Variants in JCAD observed in about 807,000 individuals in gnomAD.
The protein encoded by JCAD is junctional cadherin 5-associated protein.
JCAD carries 40 observed loss-of-function variants against 98.0 expected under a neutral mutation model. The observed-to-expected ratio is 0.41, with a 90% confidence interval of 0.32 to 0.53. The LOEUF (loss-of-function observed/expected upper bound fraction) is 0.53. JCAD is among the 20% of genes least tolerant of loss of function. The probability of loss-of-function intolerance (pLI) is 0.31; values close to 1 mark genes in which losing one functional copy is unlikely to be tolerated. For synonymous variants in JCAD, 691 were observed against 682.3 expected, an observed-to-expected ratio of 1.01 and a Z score of -0.20; for missense variants, 1,705 against 1,738.1, an observed-to-expected ratio of 0.98 and a Z score of 0.34.
At chr10:30,052,310 C>T (rs577535449) in intron 1 of JCAD, among the ~76,000 whole-genome samples, 1 of 152,236 alleles carries the variant, frequency 6.6e-6, no homozygotes, top group East Asian at 1.9e-4. Context: ...TCAGTCTTCT[C>T]CTGAAGGAGT....
intron 1 of JCAD, among the ~76,000 whole-genome samples, chr10:30,049,674 A>G (rs76762911): frequency 0.016 from 2,422 of 152,266 alleles, 73 homozygotes; most frequent in East Asian, 0.086. Flanking sequence ...GCTTCAACAG[A>G]CAAAGAAGGA....
At chr10:30,073,010 A>T (rs574236019) in intron 1 of JCAD, among the ~76,000 whole-genome samples, 248 of 152,330 alleles carry the variant, frequency 1.6e-3, no homozygotes, top group African/African-American at 5.9e-3. Context: ...CATTCACTTT[A>T]CAGGGACAGG....
At chr10:30,105,820 CATTA>C (rs1261415285) in intron 1 of JCAD, among the ~76,000 whole-genome samples, 2 of 152,186 alleles carry the variant, frequency 1.3e-5, no homozygotes, top group Non-Finnish European at 2.9e-5. Context: ...TTAGCATTGA[CATTA>C]ATTGACACGA....
At chr10:30,096,269 A>T (rs1431833451) in intron 1 of JCAD, among the ~76,000 whole-genome samples, 1 of 152,152 alleles carries the variant, frequency 6.6e-6, no homozygotes, top group Non-Finnish European at 1.5e-5. Context: ...GGCCCCACCA[A>T]ATCAGCCTGG....
chr10:30,042,900 G>A (rs1342150), intron 2 of JCAD, among the ~76,000 whole-genome samples: 50,251 of 152,092 alleles, frequency 0.33, 9,782 homozygotes, highest in Non-Finnish European at 0.42. Context: ...TGAGCCAGGG[G>A]TCCCACAGTC....
At chr10:30,073,045 C>T (rs562959399) in intron 1 of JCAD, among the ~76,000 whole-genome samples, 4 of 152,210 alleles carry the variant, frequency 2.6e-5, no homozygotes, top group African/African-American at 9.6e-5. Context: ...CCTGGTCACT[C>T]GCCCTGTAGA....
intron 2 of JCAD, among the ~76,000 whole-genome samples, chr10:30,034,148 GGGA>G (rs1290527791): frequency 1.3e-5 from 2 of 151,914 alleles, no homozygotes; most frequent in South Asian, 4.2e-4. Context: ...GCTTGAACCC[GGGA>G]GGAGGAGGTT....
intron 1 of JCAD, among the ~76,000 whole-genome samples, chr10:30,108,717 A>G (rs952828186): frequency 6.6e-6 from 1 of 152,122 alleles, no homozygotes; most frequent in Non-Finnish European, 1.5e-5. Flanking sequence ...CAGCCACTAC[A>G]TGCTTCTTCT....
chr10:30,017,962 G>C (rs990057916), intron 3 of JCAD, 45 bp from the exon 4 acceptor site: 4 of 1,469,028 alleles, frequency 2.7e-6, no homozygotes, highest in Non-Finnish European at 3.8e-6. Flanking sequence ...ATATTCAACT[G>C]CTCTATTTTC....
Position 30,026,228 on chromosome 10 carries a change from C to T in JCAD, c.3920G>A (p.Ser1307Asn), listed in dbSNP as rs183791720. The change falls in exon 3 of 4, where the codon AGT becomes AAT. Residue 1307 changes from serine (S) to asparagine (N), a missense_variant. By Grantham distance (46) the Ser-to-Asn change is conservative. This residue lies in a region of JCAD where 1,278 missense variants were observed against 1,243.1 expected (regional missense o/e 1.03). Transcript: ENST00000375377. ...GCCCAATCTCTGGGCACGGTCCCCACTGCCAGGAGACACAAGGCCTCCCGG... is the reference window on the plus strand; with the variant it reads ...GCCCAATCTCTGGGCACGGTCCCCATTGCCAGGAGACACAAGGCCTCCCGG... ...GLPGGLVSPG[S>N]GDRAQRLGHS... The T allele has an allele frequency of 6.2e-7, 1 of 1,614,074 alleles. No individual in the cohort carries two copies. Among genetic ancestry groups the T allele is most frequent in the Admixed American group, 1.7e-5 (1 of 60,030 alleles).
intron 2 of JCAD, among the ~76,000 whole-genome samples, chr10:30,036,682 G>A (rs536551203): frequency 1.3e-5 from 2 of 152,312 alleles, no homozygotes; most frequent in African/African-American, 4.8e-5. Context: ...TGGGGGTTCT[G>A]TGGGAAGTGA....
intron 1 of JCAD, among the ~76,000 whole-genome samples, chr10:30,100,760 AT>A (rs1838458786): frequency 6.6e-6 from 1 of 152,220 alleles, no homozygotes; most frequent in South Asian, 2.1e-4. Context: ...TAGGACTAAT[AT>A]GAGTGACCAA....
chr10:30,071,061 C>T (rs534519019), intron 1 of JCAD, among the ~76,000 whole-genome samples: 3 of 152,196 alleles, frequency 2.0e-5, no homozygotes, highest in Non-Finnish European at 2.9e-5. Context: ...TGCGCCACCA[C>T]GTCTGGCTAA....
Position 30,028,884 on chromosome 10 carries a change from G to C in JCAD, c.1264C>G (p.Gln422Glu). Residue 422 changes from glutamine (Q) to glutamate (E), a missense_variant, in exon 3 of 4, where the codon CAG (glutamine) becomes GAG (glutamate). This residue lies in a region of JCAD where 1,278 missense variants were observed against 1,243.1 expected (regional missense o/e 1.03). Transcript: ENST00000375377. ...RPVTAYDGFV[Q>E]YIPFDDPRLR... ...CGTGGATCATCAAAGGGAATGTACTGAACGAAGCCGTCATAGGCAGTGACA... is the reference window on the plus strand; with the variant it reads ...CGTGGATCATCAAAGGGAATGTACTCAACGAAGCCGTCATAGGCAGTGACA... The C allele has an allele frequency of 1.9e-6, 3 of 1,614,196 alleles. No homozygotes were observed. Among genetic ancestry groups the C allele is most frequent in the South Asian group, 1.1e-5 (1 of 91,084 alleles).
intron 1 of JCAD, among the ~76,000 whole-genome samples, chr10:30,050,932 C>T (rs1021184292): frequency 6.6e-6 from 1 of 152,210 alleles, no homozygotes; most frequent in African/African-American, 2.4e-5. Flanking sequence ...CAGCAAACTT[C>T]TCGACGTAGA....
chr10:30,021,608 C>A (rs1337474493), intron 3 of JCAD, among the ~76,000 whole-genome samples: 1 of 152,090 alleles, frequency 6.6e-6, no homozygotes. Context: ...AATATGTAAC[C>A]AATATAAAAA....
chr10:30,094,159 A>C (rs79054503), intron 1 of JCAD, among the ~76,000 whole-genome samples: 3,552 of 152,286 alleles, frequency 0.023, 51 homozygotes, highest in South Asian at 0.039. Context: ...CATCAACAGC[A>C]GACTGGGCAC....
chr10:30,064,646 T>C (rs1837753178), intron 2 of JCAD, among the ~76,000 whole-genome samples: 1 of 151,672 alleles, frequency 6.6e-6, no homozygotes. Flanking sequence ...TTTGTACCCA[T>C]TGACCAAAAA....
chr10:30,086,981 G>T (rs573754966), intron 1 of JCAD, among the ~76,000 whole-genome samples: 75 of 152,262 alleles, frequency 4.9e-4, no homozygotes, highest in African/African-American at 1.7e-3. Context: ...CTAGACTCAG[G>T]GTCCAGAGAC....
Sources: gnomAD v4.1 joint callset for allele counts (sites outside exome capture counted in the v4.1 genomes callset) on GRCh38, gnomAD v4.1.1 for gene constraint, gnomAD v4.1.1 regional missense constraint, MANE v1.5 for transcripts, NCBI Gene and HGNC (gene_info 2026-07-23, HGNC 2026-07-21) for gene names.